The following MACROD2 variants were observed in gnomAD, a reference collection of about 807,000 sequenced individuals.
MACROD2 encodes the protein ADP-ribose glycohydrolase MACROD2.
A neutral mutation model predicts 70.4 loss-of-function variants in MACROD2; 36 were observed. The ratio of observed to expected loss-of-function variants is 0.51; its 90% CI spans 0.39 to 0.68. MACROD2 has a LOEUF of 0.68. MACROD2 is among the 30% of genes least tolerant of loss of function. MACROD2 has a pLI of 0.00. For synonymous variants in MACROD2, 172 were observed against 178.8 expected (o/e 0.96, Z 0.30); for missense variants, 496 against 538.4 (o/e 0.92, Z 0.78).
intron 2 of MACROD2, among the ~76,000 whole-genome samples, chr20:14,026,268 C>T (rs1206571137): frequency 6.6e-6 from 1 of 152,202 alleles, no homozygotes; most frequent in African/African-American, 2.4e-5. Flanking sequence ...CTGAATACAG[C>T]ACACTGATGA....
At chr20:15,097,781 T>A (rs1248328858) in intron 5 of MACROD2, among the ~76,000 whole-genome samples, 2 of 152,228 alleles carry the variant, frequency 1.3e-5, no homozygotes, top group African/African-American at 2.4e-5. Flanking sequence ...AGGCCAAAAC[T>A]GTTTATGCTT....
chr20:15,340,602 C>G (rs2078100553), intron 6 of MACROD2, among the ~76,000 whole-genome samples: 1 of 152,052 alleles, frequency 6.6e-6, no homozygotes, highest in Non-Finnish European at 1.5e-5. Flanking sequence ...GAAATTGAAT[C>G]AAATGTCCTA....
intron 3 of MACROD2, among the ~76,000 whole-genome samples, chr20:14,383,343 G>A (rs1210348741): frequency 1.3e-5 from 2 of 151,298 alleles, no homozygotes; most frequent in African/African-American, 2.4e-5. Context: ...ACTCCGTGAC[G>A]ATAGGAATAA....
intron 3 of MACROD2, among the ~76,000 whole-genome samples, chr20:14,474,875 G>C (rs1477035522): frequency 6.6e-6 from 1 of 152,014 alleles, no homozygotes; most frequent in African/African-American, 2.4e-5. Flanking sequence ...GGTAAAGTGA[G>C]TTTCTTGTAG....
rs148284456 is a variant in MACROD2 at position 14,504,731 on chromosome 20, G to A, written c.301+11223G>A. The stretch of plus-strand genomic sequence containing the variant: ...TCAGTTTGAATATGATACAGTATCC[G>A]TTATTTAACCTTAATTCTGATAAAA... On this transcript the variant is annotated intron_variant, in intron 4 of 17. Coordinates refer to ENST00000684519, the MANE Select transcript of MACROD2 (RefSeq NM_001351661.2). 4.7e-3 allele frequency among the ~76,000 whole-genome samples: 722 copies of A among 152,172 alleles called. 20 individuals are homozygous for A. Among genetic ancestry groups the A allele is most frequent in the Admixed American group, 0.042 (639 of 15,256 alleles).
At chr20:16,020,166 C>T (rs1358190637) in intron 15 of MACROD2, among the ~76,000 whole-genome samples, 1 of 152,170 alleles carries the variant, frequency 6.6e-6, no homozygotes, top group Non-Finnish European at 1.5e-5. Flanking sequence ...GTTCCTGTTG[C>T]CTCTCTGGCT....
At chr20:14,665,881 T>G (rs2070732038) in intron 4 of MACROD2, among the ~76,000 whole-genome samples, 1 of 152,154 alleles carries the variant, frequency 6.6e-6, no homozygotes, top group Non-Finnish European at 1.5e-5. Flanking sequence ...CATATGAATG[T>G]GGAGGCACCA....
intron 3 of MACROD2, among the ~76,000 whole-genome samples, chr20:14,351,508 A>G (rs1284657410): frequency 6.6e-6 from 1 of 152,088 alleles, no homozygotes; most frequent in Non-Finnish European, 1.5e-5. Flanking sequence ...TGGCTATTGT[A>G]AATGGGATTT....
At chr20:14,338,606 A>T (rs2082978355) in intron 3 of MACROD2, among the ~76,000 whole-genome samples, 1 of 152,188 alleles carries the variant, frequency 6.6e-6, no homozygotes, top group African/African-American at 2.4e-5. Flanking sequence ...TTTTTAAAAA[A>T]TTTAATAGAA....
At chr20:15,729,075 A>G (rs1390258775) in intron 8 of MACROD2, among the ~76,000 whole-genome samples, 3 of 152,008 alleles carry the variant, frequency 2.0e-5, no homozygotes, top group African/African-American at 4.8e-5. Flanking sequence ...ATTCTGGTAT[A>G]TTGTATCTTT....
chr20:14,463,279 G>T (rs377391600), intron 3 of MACROD2, among the ~76,000 whole-genome samples: 6 of 151,614 alleles, frequency 4.0e-5, no homozygotes, highest in South Asian at 2.1e-4. Context: ...TCCTAGGTAT[G>T]TTATTCTCTT....
chr20:14,161,250 T>C (rs1442939638), intron 3 of MACROD2, among the ~76,000 whole-genome samples: 1 of 150,028 alleles, frequency 6.7e-6, no homozygotes, highest in Non-Finnish European at 1.5e-5. Context: ...TGCAGTGGCA[T>C]GATCTCGGCT....
intron 8 of MACROD2, among the ~76,000 whole-genome samples, chr20:15,810,570 G>T (rs1293240677): frequency 6.6e-6 from 1 of 152,102 alleles, no homozygotes; most frequent in Non-Finnish European, 1.5e-5. Flanking sequence ...TGTCTTCACA[G>T]AATTGGAAAA....
chr20:14,285,609 T>C (rs2082337458), intron 3 of MACROD2, among the ~76,000 whole-genome samples: 1 of 151,436 alleles, frequency 6.6e-6, no homozygotes, highest in Non-Finnish European at 1.5e-5. Context: ...TAAAAAAAAC[T>C]AAACTTAGAA....
At chr20:14,915,508 G>T (rs971485369) in intron 5 of MACROD2, among the ~76,000 whole-genome samples, 2 of 152,080 alleles carry the variant, frequency 1.3e-5, no homozygotes, top group Non-Finnish European at 2.9e-5. Context: ...TTGTTATTTC[G>T]TGGTCCTGTT....
chr20:15,124,363 T>TG (rs56856099), intron 5 of MACROD2, among the ~76,000 whole-genome samples: 1 of 150,828 alleles, frequency 6.6e-6, no homozygotes, highest in African/African-American at 2.4e-5. Context: ...TTTTTTTTTT[T>TG]CTAAAAAAAA....
At chr20:15,270,265 C>T (rs936320622) in intron 6 of MACROD2, among the ~76,000 whole-genome samples, 1 of 151,164 alleles carries the variant, frequency 6.6e-6, no homozygotes, top group Admixed American at 6.6e-5. Flanking sequence ...AGTTAAACAT[C>T]CATATGATGG....
chr20:15,212,695 T>C (rs1263789514), intron 5 of MACROD2, among the ~76,000 whole-genome samples: 2 of 152,214 alleles, frequency 1.3e-5, no homozygotes, highest in Non-Finnish European at 2.9e-5. Context: ...GGTGCCAAGC[T>C]GACACTCAAA....
intron 5 of MACROD2, among the ~76,000 whole-genome samples, chr20:14,879,405 A>C (rs753496935): frequency 2.0e-5 from 3 of 152,202 alleles, no homozygotes; most frequent in Non-Finnish European, 4.4e-5. Flanking sequence ...TCATGTTGAC[A>C]TTAGTCAGTT....
Sources: allele counts gnomAD v4.1 joint callset (sites outside exome capture counted in the v4.1 genomes callset), GRCh38; gene constraint gnomAD v4.1.1; transcripts MANE v1.5; gene names NCBI Gene and HGNC (gene_info 2026-07-23, HGNC 2026-07-21).